The following MBD5 variants were observed in gnomAD, a reference collection of about 807,000 sequenced individuals.
The protein encoded by MBD5 is methyl-CpG binding domain protein 5, also known as methyl-CpG-binding domain protein 5.
A neutral mutation model predicts 117.3 loss-of-function variants in MBD5; 13 were observed. The ratio of observed to expected loss-of-function variants is 0.11; its 90% CI spans 0.07 to 0.18. The LOEUF is 0.18. MBD5 is among the 10% of genes least tolerant of loss of function. The pLI is 1.00. For synonymous variants in MBD5, 727 were observed against 766.4 expected, an observed-to-expected ratio of 0.95 and a Z score of 0.85; for missense variants, 1,879 against 2,093.8, an observed-to-expected ratio of 0.90 and a Z score of 2.00.
intron 3 of MBD5, among the ~76,000 whole-genome samples, chr2:148,290,292 AG>A (rs1411751787): frequency 2.0e-5 from 3 of 151,694 alleles, no homozygotes; most frequent in African/African-American, 7.3e-5. Context: ...TGAATGGAAA[AG>A]TAAGCTGCTT....
chr2:148,226,766 C>T (rs1699834110), intron 2 of MBD5, among the ~76,000 whole-genome samples: 1 of 152,196 alleles, frequency 6.6e-6, no homozygotes, highest in African/African-American at 2.4e-5. Flanking sequence ...ACATCCTCTC[C>T]AGCACCTGTT....
intron 4 of MBD5, among the ~76,000 whole-genome samples, chr2:148,451,280 A>G (rs1416181198): frequency 6.6e-6 from 1 of 152,220 alleles, no homozygotes; most frequent in Non-Finnish European, 1.5e-5. Context: ...GTGACTGCAC[A>G]GTGAAGATAA....
At chr2:148,035,487 A>G (rs1482332007) in intron 1 of MBD5, among the ~76,000 whole-genome samples, 1 of 152,158 alleles carries the variant, frequency 6.6e-6, no homozygotes, top group African/African-American at 2.4e-5. Context: ...CACTTTGCCA[A>G]CACAGTAAGA....
chr2:148,145,405 G>T (rs1037918148), intron 1 of MBD5, among the ~76,000 whole-genome samples: 2 of 152,088 alleles, frequency 1.3e-5, no homozygotes, highest in Non-Finnish European at 2.9e-5. Context: ...CACGGACAAT[G>T]TGACTTCCTC....
rs1700292062 is a variant in MBD5, at chr2:148,244,515, AAATT to A, written c.-680+11125_-680+11128del. 3 of 152,298 alleles carry A rather than the reference AAATT, an allele frequency of 2.0e-5. No homozygotes were observed. In the South Asian group the frequency reaches 6.2e-4, roughly 32 times the overall value. 9.4% of individuals were successfully genotyped at this position (152,298 alleles called of 1,614,324 possible). A position where few individuals can be genotyped will look rare whatever the true frequency, so the allele number is the denominator to read the frequency against. On this transcript the variant is annotated intron_variant, in intron 3 of 13. Coordinates refer to ENST00000642680, the MANE Select transcript of MBD5 (RefSeq NM_001378120.1). The stretch of plus-strand genomic sequence containing the variant: ...TTAAGGAAATATGTCATGAGCTATA[AAATT>A]AATTCATTATTTTACTTTGTACTTG...
intron 3 of MBD5, among the ~76,000 whole-genome samples, chr2:148,301,302 A>T (rs74626943): frequency 0.086 from 13,051 of 152,280 alleles, 747 homozygotes; most frequent in Non-Finnish European, 0.14. Context: ...AGATAAAGTG[A>T]AGTAACTGGT....
rs116207524 is a variant in MBD5 at position 148,483,196 on chromosome 2, G to T, written c.2605G>T (p.Val869Phe). 1.5e-5 allele frequency: 24 copies of T among 1,613,464 alleles called. No individual in the cohort carries two copies. The South Asian group carries it at 2.0e-4, about 13-fold the overall frequency. Residue 869 changes from valine to phenylalanine, a missense_variant, in exon 9 of 14, where the codon GTC becomes TTC. Coordinates refer to ENST00000642680, the MANE Select transcript of MBD5 (RefSeq NM_001378120.1). ...GACAACATCTGTTCTTCAAGATGGC[G>T]TCATAGTCACCACTGCAGCTGGAAA... ...TKTTSVLQDG[V>F]IVTTAAGNPL... is the part of the protein sequence containing the mutation.
intron 4 of MBD5, among the ~76,000 whole-genome samples, chr2:148,355,176 C>CT (rs1183945787): frequency 1.3e-5 from 2 of 151,636 alleles, no homozygotes; most frequent in African/African-American, 4.8e-5. Flanking sequence ...GATATTAGAC[C>CT]TTTGTCAGAT....
At chr2:148,374,683 T>A (rs933601953) in intron 4 of MBD5, among the ~76,000 whole-genome samples, 1 of 152,126 alleles carries the variant, frequency 6.6e-6, no homozygotes, top group African/African-American at 2.4e-5. Context: ...ACAAAGTACC[T>A]CCTCTCAGGA....
chr2:148,286,835 G>GT (rs1701379263), intron 3 of MBD5, among the ~76,000 whole-genome samples: 1 of 152,162 alleles, frequency 6.6e-6, no homozygotes, highest in Non-Finnish European at 1.5e-5. Flanking sequence ...GTAGTGGTAA[G>GT]TTTAGTGGTA....
intron 4 of MBD5, among the ~76,000 whole-genome samples, chr2:148,410,425 C>A (rs1000578878): frequency 8.6e-5 from 13 of 151,958 alleles, no homozygotes; most frequent in Non-Finnish European, 1.8e-4. Flanking sequence ...TTTATACATT[C>A]TGGATATTAT....
chr2:148,108,433 A>G (rs1696424696), intron 1 of MBD5, among the ~76,000 whole-genome samples: 1 of 151,854 alleles, frequency 6.6e-6, no homozygotes, highest in African/African-American at 2.4e-5. Flanking sequence ...TGTTATTATG[A>G]TCAATGTGGT....
In MBD5 at chr2:148,469,760, G is replaced by T. The variant is rs1250617036; in HGVS notation, c.1817G>T (p.Gly606Val). Reference protein sequence around the residue: ...GNNSSSSSNSGAVAGSGNTEG... With the variant: ...GNNSSSSSNSVAVAGSGNTEG... ...AACAGTAGCAGCAGTAGCAATTCTG[G>T]AGCTGTTGCCGGCAGTGGCAACACT... Residue 606 changes from glycine to valine, a missense_variant, in exon 8 of 14, where the codon GGA (glycine) becomes GTA (valine). Gly to Val is a moderately radical substitution (Grantham distance 109). Coordinates refer to ENST00000642680, the MANE Select transcript of MBD5 (RefSeq NM_001378120.1). 1 of 1,613,984 alleles carries T rather than the reference G, an allele frequency of 6.2e-7. No homozygotes were observed. Among genetic ancestry groups the T allele is most frequent in the South Asian group, 1.1e-5 (1 of 91,078 alleles).
At chr2:148,480,139 T>TA (rs937723944) in intron 8 of MBD5, among the ~76,000 whole-genome samples, 1 of 152,078 alleles carries the variant, frequency 6.6e-6, no homozygotes, top group African/African-American at 2.4e-5. Flanking sequence ...AAGAAAAATT[T>TA]AAAAAACTAT....
At chr2:148,402,176 C>G (rs1007082601) in intron 4 of MBD5, among the ~76,000 whole-genome samples, 4 of 151,984 alleles carry the variant, frequency 2.6e-5, no homozygotes, top group African/African-American at 9.7e-5. Context: ...GAAAGAGATA[C>G]TTTGAGACTA....
chr2:148,392,888 G>A (rs1157674274), intron 4 of MBD5, among the ~76,000 whole-genome samples: 2 of 152,058 alleles, frequency 1.3e-5, no homozygotes, highest in African/African-American at 4.8e-5. Context: ...TTAGTTCATT[G>A]TTAACAGGGG....
chr2:148,173,045 C>T (rs928410162), intron 1 of MBD5, among the ~76,000 whole-genome samples: 1 of 152,216 alleles, frequency 6.6e-6, no homozygotes, highest in Non-Finnish European at 1.5e-5. Context: ...GTACCTCATT[C>T]TTGCTGGATG....
intron 4 of MBD5, among the ~76,000 whole-genome samples, chr2:148,385,544 T>C (rs990260978): frequency 6.6e-5 from 10 of 152,108 alleles, no homozygotes; most frequent in African/African-American, 1.9e-4. Context: ...TTGTGGAAGT[T>C]GGTGTGGCAA....
At chr2:148,316,296 T>TA (rs1350393338) in intron 3 of MBD5, among the ~76,000 whole-genome samples, 4 of 152,204 alleles carry the variant, frequency 2.6e-5, no homozygotes, top group African/African-American at 9.6e-5. Context: ...CTATAAAACT[T>TA]ACTTGATACT....
Sources: gnomAD v4.1 joint callset for allele counts (sites outside exome capture counted in the v4.1 genomes callset) on GRCh38, gnomAD v4.1.1 for gene constraint, MANE v1.5 for transcripts, NCBI Gene and HGNC (gene_info 2026-07-23, HGNC 2026-07-21) for gene names.